Variants in GSE1 observed in about 807,000 individuals in gnomAD.
The protein encoded by GSE1 is Gse1 coiled-coil protein.
In GSE1, 32 loss-of-function variants were observed where a neutral mutation model predicts 112.6. The ratio of observed to expected loss-of-function variants is 0.28; its 90% CI spans 0.21 to 0.38. The LOEUF (loss-of-function observed/expected upper bound fraction) is 0.38, where lower values mean the gene tolerates loss of function less well. Among genes scored for constraint, GSE1 ranks in the 10% least tolerant of loss-of-function variants. The pLI, the probability that GSE1 is intolerant of heterozygous loss-of-function variation, is 1.00. For missense variants in GSE1, 2,348 were observed against 1,699.2 expected (o/e 1.38, Z -6.71); for synonymous variants, 1,115 against 735.6 (o/e 1.52, Z -8.35).
chr16:85,574,790 C>T (rs996340149), intron 1 of GSE1, among the ~76,000 whole-genome samples: 1 of 152,236 alleles, frequency 6.6e-6, no homozygotes, highest in African/African-American at 2.4e-5. Flanking sequence ...GGGTCTCCTC[C>T]TCACCCAGCT....
chr16:85,598,075 G>A (rs903895064), intron 1 of GSE1, among the ~76,000 whole-genome samples: 2 of 150,966 alleles, frequency 1.3e-5, no homozygotes, highest in African/African-American at 2.4e-5. Flanking sequence ...ACCCTGGACT[G>A]TTTCAGGGAG....
chr16:85,487,227 C>G (rs1373656234), intron 2 of GSE1, among the ~76,000 whole-genome samples: 3 of 152,166 alleles, frequency 2.0e-5, no homozygotes, highest in Admixed American at 6.5e-5. Flanking sequence ...CCTCACCCCC[C>G]CAGGAAAAAT....
intron 1 of GSE1, among the ~76,000 whole-genome samples, chr16:85,572,290 A>C (rs990389149): frequency 2.1e-5 from 3 of 140,156 alleles, no homozygotes; most frequent in Non-Finnish European, 3.1e-5. Flanking sequence ...ACATACCCCC[A>C]CACACAACAC....
intron 2 of GSE1, among the ~76,000 whole-genome samples, chr16:85,533,452 C>A (rs1300064854): frequency 1.3e-5 from 2 of 151,054 alleles, no homozygotes; most frequent in East Asian, 3.9e-4. Context: ...AACAAAAAAT[C>A]TCTGTTTGCA....
chr16:85,457,959 G>A (rs576319872), intron 2 of GSE1, among the ~76,000 whole-genome samples: 1 of 152,344 alleles, frequency 6.6e-6, no homozygotes, highest in African/African-American at 2.4e-5. Context: ...TACCTTCTCT[G>A]AGATTGAAGT....
At chr16:85,338,718 T>G (rs1174762214) in intron 1 of GSE1, among the ~76,000 whole-genome samples, 1 of 152,198 alleles carries the variant, frequency 6.6e-6, no homozygotes, top group Non-Finnish European at 1.5e-5. Flanking sequence ...CCCTGTGAGG[T>G]AGCTAGTAGG....
At chr16:85,266,056 T>C (rs1908208510) in intron 1 of GSE1, among the ~76,000 whole-genome samples, 1 of 151,540 alleles carries the variant, frequency 6.6e-6, no homozygotes. Context: ...GGCTCTGGAG[T>C]GAGGAAGGGA....
intron 1 of GSE1, among the ~76,000 whole-genome samples, chr16:85,241,774 C>A (rs1245810768): frequency 6.6e-6 from 1 of 152,144 alleles, no homozygotes; most frequent in Non-Finnish European, 1.5e-5. Context: ...ATTCAAAGGA[C>A]TTTATTTCCC....
chr16:85,619,424 A>AGG (rs2048586609), intron 1 of GSE1, among the ~76,000 whole-genome samples: 1 of 104,846 alleles, frequency 9.5e-6, no homozygotes, highest in African/African-American at 3.6e-5. Flanking sequence ...TGGAGGCGGG[A>AGG]GGGGGGTGGG....
At chr16:85,370,901 C>G (rs1488066801) in intron 2 of GSE1, among the ~76,000 whole-genome samples, 1 of 152,224 alleles carries the variant, frequency 6.6e-6, no homozygotes, top group Non-Finnish European at 1.5e-5. Flanking sequence ...TCCCACTACC[C>G]TCCGAGCCAG....
At chr16:85,318,481 T>G (rs1215763791) in intron 1 of GSE1, among the ~76,000 whole-genome samples, 2 of 152,130 alleles carry the variant, frequency 1.3e-5, no homozygotes, top group Admixed American at 1.3e-4. Flanking sequence ...CCCAGGCTGG[T>G]CTCAAACTCC....
intron 2 of GSE1, among the ~76,000 whole-genome samples, chr16:85,513,489 C>A (rs940560557): frequency 6.6e-6 from 1 of 152,286 alleles, no homozygotes; most frequent in East Asian, 1.9e-4. Context: ...GGCTACCCCC[C>A]TCACCGCTCA....
intron 2 of GSE1, among the ~76,000 whole-genome samples, chr16:85,544,701 C>T (rs948018360): frequency 6.6e-6 from 1 of 152,172 alleles, no homozygotes; most frequent in African/African-American, 2.4e-5. Flanking sequence ...TGCGTGTCAT[C>T]CACAAATGGG....
At chr16:85,424,597 C>T (rs1027520876) in intron 2 of GSE1, among the ~76,000 whole-genome samples, 2 of 152,250 alleles carry the variant, frequency 1.3e-5, no homozygotes, top group South Asian at 2.1e-4. Flanking sequence ...TCTCCCAGCC[C>T]GCCAGGATCT....
At position 85,384,102 on chromosome 16, in the gene GSE1, C is replaced by G. The variant is rs115910088; in HGVS notation, c.2464+26459C>G. 6.1e-3 allele frequency among the ~76,000 whole-genome samples: 928 copies of G among 152,350 alleles called. 5 individuals are homozygous for G. The highest frequency in any genetic ancestry group is 0.021 in the African/African-American group (882 of 41,586). On this transcript the variant is annotated intron_variant, in intron 2 of 2. Coordinates refer to the GSE1 transcript ENST00000637419. ...GAGCACGTCTCCCTCGACCCTCCGGCCTTGCTATGCACAATCAATGCCACT... is the reference window on the plus strand; with the variant it reads ...GAGCACGTCTCCCTCGACCCTCCGGGCTTGCTATGCACAATCAATGCCACT...
At chr16:85,320,160 C>T (rs1187777925) in intron 1 of GSE1, among the ~76,000 whole-genome samples, 3 of 152,230 alleles carry the variant, frequency 2.0e-5, no homozygotes, top group African/African-American at 7.2e-5. Flanking sequence ...GTTCTTGGGG[C>T]CAAGGGCCTC....
intron 1 of GSE1, among the ~76,000 whole-genome samples, chr16:85,175,804 AGCCTCG>A (rs2074451343): frequency 6.6e-6 from 1 of 152,120 alleles, no homozygotes; most frequent in Non-Finnish European, 1.5e-5. Flanking sequence ...CACATACTGA[AGCCTCG>A]CCGCAGCCCG....
chr16:85,430,608 G>A (rs8045399), intron 2 of GSE1, among the ~76,000 whole-genome samples: 87,422 of 152,160 alleles, frequency 0.57, 27,067 homozygotes, highest in Non-Finnish European at 0.7. Context: ...CCACACGGCA[G>A]TCACTTGGGA....
chr16:85,491,897 A>G (rs965526859), intron 2 of GSE1, among the ~76,000 whole-genome samples: 4 of 152,128 alleles, frequency 2.6e-5, no homozygotes, highest in African/African-American at 9.7e-5. Flanking sequence ...TTGACACCAC[A>G]TGGCTCCATT....
Sources: gnomAD v4.1 joint callset for allele counts (sites outside exome capture counted in the v4.1 genomes callset) on GRCh38, gnomAD v4.1.1 for gene constraint, MANE v1.5 for transcripts, NCBI Gene and HGNC (gene_info 2026-07-23, HGNC 2026-07-21) for gene names.